TMEM150C: variants seen among roughly 807,000 people sequenced by gnomAD.
TMEM150C encodes the protein tentonin 3.
A neutral mutation model predicts 29.9 loss-of-function variants in TMEM150C; 10 were observed. The observed-to-expected ratio is 0.33, with a 90% confidence interval of 0.21 to 0.57. TMEM150C has a LOEUF of 0.57. Ranked by LOEUF, TMEM150C falls within the 20% of genes least tolerant of loss-of-function variation. TMEM150C has a pLI of 0.88. For missense variants in TMEM150C, 251 were observed against 303.6 expected (o/e 0.83, Z 1.29); for synonymous variants, 101 against 112.5 (o/e 0.90, Z 0.64).
At chr4:82,487,178 G>A (rs1723190940) in intron 7 of TMEM150C, among the ~76,000 whole-genome samples, 1 of 152,182 alleles carries the variant, frequency 6.6e-6, no homozygotes, top group Non-Finnish European at 1.5e-5. Context: ...GCTGGACAAG[G>A]TGGCTCATGC....
chr4:82,545,971 C>T (rs1251757188), intron 1 of TMEM150C, among the ~76,000 whole-genome samples: 1 of 151,872 alleles, frequency 6.6e-6, no homozygotes, highest in East Asian at 1.9e-4. Context: ...AACACAATCC[C>T]ATTTACAATA....
intron 1 of TMEM150C, among the ~76,000 whole-genome samples, chr4:82,515,216 T>C (rs1724252774): frequency 6.6e-6 from 1 of 152,196 alleles, no homozygotes; most frequent in South Asian, 2.1e-4. Context: ...CAGGGAGGAA[T>C]TAAGGCCAGG....
chr4:82,500,345 A>G (rs2110067927), intron 5 of TMEM150C, among the ~76,000 whole-genome samples: 1 of 152,374 alleles, frequency 6.6e-6, no homozygotes, highest in South Asian at 2.1e-4. Flanking sequence ...TAACAAGGGC[A>G]GGCCTGGGGA....
intron 1 of TMEM150C, among the ~76,000 whole-genome samples, chr4:82,559,658 T>G (rs17005796): frequency 0.015 from 2,343 of 152,334 alleles, 50 homozygotes; most frequent in African/African-American, 0.053. Context: ...ACTTGGACCC[T>G]ATAATGTTTT....
At chr4:82,532,099 A>C (rs1276306979) in intron 1 of TMEM150C, among the ~76,000 whole-genome samples, 1 of 152,230 alleles carries the variant, frequency 6.6e-6, no homozygotes, top group Non-Finnish European at 1.5e-5. Flanking sequence ...TTTTTGAGAG[A>C]GCTACAGTAA....
At chr4:82,545,790 C>T (rs1253735582) in intron 1 of TMEM150C, among the ~76,000 whole-genome samples, 1 of 152,006 alleles carries the variant, frequency 6.6e-6, no homozygotes, top group Non-Finnish European at 1.5e-5. Flanking sequence ...ATTAGCTGGA[C>T]ATGGTGGTGC....
At chr4:82,558,845 T>C (rs1725824306) in intron 1 of TMEM150C, among the ~76,000 whole-genome samples, 1 of 152,184 alleles carries the variant, frequency 6.6e-6, no homozygotes, top group Non-Finnish European at 1.5e-5. Flanking sequence ...CCCTGTGACC[T>C]GCACGTATAC....
chr4:82,505,697 G>A (rs1723896108), intron 1 of TMEM150C, among the ~76,000 whole-genome samples: 1 of 152,084 alleles, frequency 6.6e-6, no homozygotes, highest in African/African-American at 2.4e-5. Context: ...AATGCATTGT[G>A]TATAACTTTA....
chr4:82,531,557 C>T (rs910195864), intron 1 of TMEM150C, among the ~76,000 whole-genome samples: 5 of 152,048 alleles, frequency 3.3e-5, no homozygotes, highest in African/African-American at 1.2e-4. Context: ...GAGTTCAAGA[C>T]CAGCCTGGCC....
chr4:82,537,175 T>C (rs192772827), intron 1 of TMEM150C, among the ~76,000 whole-genome samples: 3,773 of 152,056 alleles, frequency 0.025, 57 homozygotes, highest in Middle Eastern at 0.037. Flanking sequence ...TTAGTAGAGA[T>C]GGGGTTTCAC....
intron 1 of TMEM150C, among the ~76,000 whole-genome samples, chr4:82,554,078 G>A (rs1036001059): frequency 1.3e-5 from 2 of 152,130 alleles, no homozygotes; most frequent in African/African-American, 2.4e-5. Flanking sequence ...TGCTGTCAAT[G>A]ACAAGACTGG....
At chr4:82,501,287 C>T (rs1016476660) in intron 5 of TMEM150C, among the ~76,000 whole-genome samples, 2 of 151,996 alleles carry the variant, frequency 1.3e-5, no homozygotes, top group African/African-American at 4.8e-5. Context: ...GGCCCTGGTG[C>T]CCACAGGTGC....
intron 6 of TMEM150C, chr4:82,490,870 T>C: frequency 1.4e-6 from 1 of 693,724 alleles, no homozygotes. Context: ...TTTTTGAGCT[T>C]AGCAATGTGA....
intron 6 of TMEM150C, chr4:82,490,776 T>A (rs1347279025): frequency 5.0e-6 from 2 of 401,252 alleles, no homozygotes; most frequent in Non-Finnish European, 9.4e-6. Flanking sequence ...GGAAAATTTG[T>A]ATTACTTTAA....
chr4:82,534,966 A>T (rs1724961194), intron 1 of TMEM150C, among the ~76,000 whole-genome samples: 1 of 152,242 alleles, frequency 6.6e-6, no homozygotes, highest in African/African-American at 2.4e-5. Flanking sequence ...AAATCAACAG[A>T]ACTGAATAAA....
At chr4:82,508,868 A>C (rs199787142) in intron 1 of TMEM150C, among the ~76,000 whole-genome samples, 1 of 152,214 alleles carries the variant, frequency 6.6e-6, no homozygotes, top group Non-Finnish European at 1.5e-5. Context: ...CATGTCCTAA[A>C]TGGTTAATTA....
chr4:82,540,114 CTTTTTTTTTTTTTTTTTTTTTTT>C (rs577728662), intron 1 of TMEM150C, among the ~76,000 whole-genome samples: 17 of 47,262 alleles, frequency 3.6e-4, no homozygotes, highest in South Asian at 3.4e-3. Flanking sequence ...TCTACCTATT[CTTTTTTTTTTTTTTTTTTTTTTT>C]TTTTTTTTTT....
chr4:82,514,754 T>G (rs904333111), intron 1 of TMEM150C, among the ~76,000 whole-genome samples: 5 of 152,310 alleles, frequency 3.3e-5, no homozygotes, highest in African/African-American at 1.2e-4. Context: ...CAATGGAATG[T>G]AAGCCTGCCT....
intron 1 of TMEM150C, among the ~76,000 whole-genome samples, chr4:82,525,142 C>A (rs571472752): frequency 6.6e-6 from 1 of 152,094 alleles, no homozygotes; most frequent in African/African-American, 2.4e-5. Context: ...TTCTTGCAAA[C>A]GCAGCTGAGA....
Sources: gnomAD v4.1 joint callset for allele counts (sites outside exome capture counted in the v4.1 genomes callset) on GRCh38, gnomAD v4.1.1 for gene constraint, MANE v1.5 for transcripts, NCBI Gene and HGNC (gene_info 2026-07-23, HGNC 2026-07-21) for gene names.